Variants in TENM2 observed in about 807,000 individuals in gnomAD.
TENM2 encodes teneurin transmembrane protein 2, also known as teneurin-2.
In TENM2, 52 loss-of-function variants were observed where a neutral mutation model predicts 245.2. That is an observed-to-expected ratio of 0.21 (90% CI 0.17 to 0.27). The LOEUF (loss-of-function observed/expected upper bound fraction) is 0.27. TENM2 is among the 10% of genes least tolerant of loss of function. TENM2 has a pLI of 1.00. For missense variants in TENM2, 3,046 were observed against 3,666.8 expected (o/e 0.83, Z 4.37); for synonymous variants, 1,363 against 1,438.9 (o/e 0.95, Z 1.19).
the TENM2 span, among the ~76,000 whole-genome samples, chr5:167,208,067 T>C: frequency 1.3e-5 from 2 of 152,302 alleles, no homozygotes; most frequent in Middle Eastern, 3.4e-3. Context: ...TGAGGTATAT[T>C]CTTATTGTAG....
intron 2 of TENM2, among the ~76,000 whole-genome samples, chr5:167,422,459 C>T (rs1310894663): frequency 6.6e-6 from 1 of 152,118 alleles, no homozygotes; most frequent in Non-Finnish European, 1.5e-5. Context: ...AGATATATAC[C>T]TAACATTTTA....
the TENM2 span, among the ~76,000 whole-genome samples, chr5:167,144,781 G>T: frequency 6.6e-6 from 1 of 152,206 alleles, no homozygotes; most frequent in African/African-American, 2.4e-5. Context: ...AGCTAAGAAA[G>T]CATTGCTTTA....
intron 2 of TENM2, among the ~76,000 whole-genome samples, chr5:167,635,063 G>C (rs1779109906): frequency 6.6e-6 from 1 of 152,114 alleles, no homozygotes; most frequent in African/African-American, 2.4e-5. Flanking sequence ...TAGAGCAGTG[G>C]TTCTCAAATG....
the TENM2 span, among the ~76,000 whole-genome samples, chr5:167,098,270 T>C: frequency 6.6e-6 from 1 of 152,228 alleles, no homozygotes; most frequent in Non-Finnish European, 1.5e-5. Context: ...ATGAATGACC[T>C]GTTAACAGGA....
intron 22 of TENM2, among the ~76,000 whole-genome samples, chr5:168,217,288 T>G (rs7708354): frequency 0.36 from 54,026 of 152,116 alleles, 11,873 homozygotes; most frequent in East Asian, 0.62. Flanking sequence ...GAACTTCCCC[T>G]TTAATCTGAA....
the TENM2 span, among the ~76,000 whole-genome samples, chr5:167,114,336 A>G: frequency 6.6e-6 from 1 of 152,226 alleles, no homozygotes; most frequent in African/African-American, 2.4e-5. Context: ...TAGAGCAGGA[A>G]AGGTGGATCT....
At chr5:167,293,532 C>T (rs900075000) in intron 1 of TENM2, among the ~76,000 whole-genome samples, 6 of 151,866 alleles carry the variant, frequency 4.0e-5, no homozygotes, top group Non-Finnish European at 8.8e-5. Flanking sequence ...TGATTGTTGG[C>T]TTTTTAGGAT....
chr5:167,556,803 C>T (rs945431841), intron 2 of TENM2, among the ~76,000 whole-genome samples: 15 of 152,202 alleles, frequency 9.9e-5, no homozygotes, highest in Admixed American at 1.3e-4. Flanking sequence ...TTCACCAATG[C>T]GGAGTGCAGC....
In TENM2 at chr5:168,218,306, C is replaced by G. The variant is rs1344770019; in HGVS notation, c.4415C>G (p.Ser1472Cys). 2.5e-6 allele frequency: 4 copies of G among 1,613,884 alleles called. No individual in the cohort carries two copies. The highest frequency in any genetic ancestry group is 3.4e-6 in the Non-Finnish European group (4 of 1,179,910). The change falls in exon 23 of 29, where the codon TCT (serine) becomes TGT (cysteine). Residue 1472 changes from serine to cysteine, a missense_variant. Transcript: ENST00000518659. The surrounding 1 kb of genome is among the most constrained non-coding windows in gnomAD (Gnocchi z 5.2). ...TCACTCAGCAAACTAGCCATTCACT[C>G]TGCCCTGGAGTCAGCCAGTGCCATT...
chr5:167,049,875 T>C, the TENM2 span, among the ~76,000 whole-genome samples: 1 of 152,218 alleles, frequency 6.6e-6, no homozygotes, highest in Non-Finnish European at 1.5e-5. Flanking sequence ...AGGTAGTCCT[T>C]AGGGACTAGT....
At chr5:168,175,221 C>T (rs115050372) in intron 13 of TENM2, among the ~76,000 whole-genome samples, 135 of 152,272 alleles carry the variant, frequency 8.9e-4, no homozygotes, top group African/African-American at 2.9e-3. Context: ...AACTTAATGC[C>T]CCTTTACTTA....
rs759308337 is a variant in TENM2 at position 168,218,429 on chromosome 5, T to C, written c.4538T>C (p.Leu1513Ser). The C allele has an allele frequency of 5.0e-6, 8 of 1,613,952 alleles. No individual in the cohort carries two copies. In the Admixed American group the frequency reaches 5.0e-5, roughly 10 times the overall value. Residue 1513 changes from leucine to serine, a missense_variant, in exon 23 of 29, where the codon TTA becomes TCA. Coordinates refer to ENST00000518659, the Ensembl canonical transcript of TENM2. This position sits in a 1 kb window ranked among gnomAD's most constrained non-coding sequence, Gnocchi z 5.2. ...ACAACCAACGGGGAGATCTGCCTTT[T>C]AGCTGGGGCAGCCTCGGACTGCGAC... is the stretch of plus-strand genomic sequence containing the variant.
rs764491594 is a variant in TENM2, at chr5:168,218,735, A to G, written c.4844A>G (p.Tyr1615Cys). ...AGCCTGGTGACAGGGGAGTACTTGT[A>G]CAATTTCACATATAGTACTGACAAT... The change falls in exon 23 of 29, where the codon TAC becomes TGC. Residue 1615 changes from tyrosine to cysteine, a missense_variant. Tyr to Cys is a radical substitution (Grantham distance 194, BLOSUM62 -2). Coordinates refer to ENST00000518659, the Ensembl canonical transcript of TENM2. This position sits in a 1 kb window ranked among gnomAD's most constrained non-coding sequence, Gnocchi z 5.2. The G allele has an allele frequency of 2.5e-6, 4 of 1,614,036 alleles. No homozygotes were observed. The highest frequency in any genetic ancestry group is 1.3e-5 in the African/African-American group (1 of 75,046).
At chr5:167,546,867 C>T (rs1295075778) in intron 2 of TENM2, among the ~76,000 whole-genome samples, 1 of 152,152 alleles carries the variant, frequency 6.6e-6, no homozygotes, top group Non-Finnish European at 1.5e-5. Flanking sequence ...ATTTCTGTCC[C>T]TTTCCCCATA....
chr5:167,726,497 T>C lies in TENM2; in HGVS notation c.503-149489T>C, dbSNP rs954141338. Among the ~76,000 whole-genome samples the C allele has an allele frequency of 2.6e-5, 4 of 152,178 alleles. No homozygotes were observed. In the East Asian group the frequency reaches 7.7e-4, roughly 29 times the overall value. On this transcript the variant is annotated intron_variant, in intron 2 of 28. Transcript: ENST00000518659. ...TTTTTAGAGACAGGGTCTTACTCTG[T>C]GGCCAGGCTAGAGTGCAGTGGCATG... is the stretch of plus-strand genomic sequence containing the variant.
the TENM2 span, among the ~76,000 whole-genome samples, chr5:167,263,282 C>T: frequency 8.2e-6 from 1 of 121,676 alleles, no homozygotes; most frequent in African/African-American, 3.3e-5. Flanking sequence ...CCTTGTAAGG[C>T]AAGCATTATT....
intron 2 of TENM2, among the ~76,000 whole-genome samples, chr5:167,734,663 T>C (rs1760676964): frequency 6.6e-6 from 1 of 152,082 alleles, no homozygotes; most frequent in South Asian, 2.1e-4. Flanking sequence ...GTCTGCAGCT[T>C]TCAGTACTGT....
intron 2 of TENM2, among the ~76,000 whole-genome samples, chr5:167,846,787 C>T (rs1032557104): frequency 1.4e-4 from 21 of 152,148 alleles, no homozygotes; most frequent in African/African-American, 4.8e-4. Context: ...TTTTGGTTCA[C>T]ATAAATAAAC....
chr5:167,379,878 C>A, intron 2 of TENM2, among the ~76,000 whole-genome samples: 1 of 144,516 alleles, frequency 6.9e-6, no homozygotes. Context: ...TCCATGGAAC[C>A]TAAAGAAAAT....
Sources: gnomAD v4.1 joint callset for allele counts (sites outside exome capture counted in the v4.1 genomes callset) on GRCh38, gnomAD v4.1.1 for gene constraint, Gnocchi (gnomAD v3.1) non-coding constraint, MANE v1.5 for transcripts, NCBI Gene and HGNC (gene_info 2026-07-23, HGNC 2026-07-21) for gene names.